DLC1: variants seen among roughly 807,000 people sequenced by gnomAD.
The protein encoded by DLC1 is rho GTPase-activating protein 7.
DLC1 carries 54 observed loss-of-function variants against 140.3 expected under a neutral mutation model. The ratio of observed to expected loss-of-function variants is 0.38; its 90% CI spans 0.31 to 0.48. DLC1 has a LOEUF of 0.48. Ranked by LOEUF, DLC1 falls within the 20% of genes least tolerant of loss-of-function variation. The probability of loss-of-function intolerance (pLI) is 0.96; values close to 1 mark genes in which losing one functional copy is unlikely to be tolerated. For synonymous variants in DLC1, 986 were observed against 728.1 expected, an observed-to-expected ratio of 1.35 and a Z score of -5.70; for missense variants, 2,536 against 1,907.0, an observed-to-expected ratio of 1.33 and a Z score of -6.14.
intron 5 of DLC1, among the ~76,000 whole-genome samples, chr8:13,158,733 TCCCCCCCC>T (rs71207127): frequency 5.1e-5 from 3 of 58,986 alleles, no homozygotes; most frequent in African/African-American, 2.0e-4. Flanking sequence ...ACCACCACCC[TCCCCCCCC>T]CCCCCCGCCC....
chr8:13,269,579 T>C (rs1243119914), intron 5 of DLC1, among the ~76,000 whole-genome samples: 2 of 151,226 alleles, frequency 1.3e-5, no homozygotes, highest in African/African-American at 4.9e-5. Flanking sequence ...GCCACAACCC[T>C]ATAGTCCTGG....
chr8:13,122,700 C>T (rs1236598458), intron 5 of DLC1, among the ~76,000 whole-genome samples: 1 of 151,388 alleles, frequency 6.6e-6, no homozygotes, highest in Non-Finnish European at 1.5e-5. Context: ...ATTTATTAAA[C>T]TCTAATGTTA....
At chr8:13,305,116 A>G (rs1586102160) in intron 5 of DLC1, 153 bp downstream of exon 5, 2 of 1,332,566 alleles carry the variant, frequency 1.5e-6, no homozygotes, top group East Asian at 5.6e-5. Context: ...TTACATATTG[A>G]GCAAAACAAA....
At chr8:13,110,986 A>C (rs917101075) in intron 6 of DLC1, among the ~76,000 whole-genome samples, 163 bp from the exon 7 acceptor site, 3 of 152,202 alleles carry the variant, frequency 2.0e-5, no homozygotes, top group Admixed American at 1.3e-4. Flanking sequence ...AAGGCAATTG[A>C]AGCCAATCGG....
chr8:13,245,410 AAGTGGTTG>A (rs1829724196), intron 5 of DLC1, among the ~76,000 whole-genome samples: 1 of 151,894 alleles, frequency 6.6e-6, no homozygotes, highest in African/African-American at 2.4e-5. Flanking sequence ...TGAGCACAAT[AAGTGGTTG>A]TTTTACACCA....
chr8:13,143,923 G>C (rs1425827975), intron 5 of DLC1, among the ~76,000 whole-genome samples: 1 of 152,012 alleles, frequency 6.6e-6, no homozygotes, highest in Non-Finnish European at 1.5e-5. Context: ...GCAGGCACAT[G>C]TGAATGGAGA....
chr8:13,553,205 T>TATATAC, intron 1 of DLC1, among the ~76,000 whole-genome samples: 1 of 49,766 alleles, frequency 2.0e-5, no homozygotes, highest in African/African-American at 9.4e-5. Context: ...CCAGCTGTCA[T>TATATAC]ATATATATAT....
chr8:13,209,725 C>G (rs1023348099), intron 5 of DLC1, among the ~76,000 whole-genome samples: 2 of 152,012 alleles, frequency 1.3e-5, no homozygotes, highest in African/African-American at 2.4e-5. Context: ...GTGTGTGGCA[C>G]CTCCCTCCTG....
chr8:13,571,091 C>T (rs1003584223), intron 1 of DLC1, among the ~76,000 whole-genome samples: 3 of 152,160 alleles, frequency 2.0e-5, no homozygotes, highest in African/African-American at 4.8e-5. Flanking sequence ...CTATAAATAA[C>T]CACTTACTTT....
At chr8:13,094,515 A>C (rs1045320743) in intron 12 of DLC1, among the ~76,000 whole-genome samples, 1 of 152,006 alleles carries the variant, frequency 6.6e-6, no homozygotes, top group Non-Finnish European at 1.5e-5. Flanking sequence ...CAAATGCAAA[A>C]ATTAGCCAGA....
At chr8:13,462,776 T>C (rs1001091314) in intron 2 of DLC1, among the ~76,000 whole-genome samples, 2 of 152,154 alleles carry the variant, frequency 1.3e-5, no homozygotes, top group Non-Finnish European at 2.9e-5. Flanking sequence ...GTTAAACAGC[T>C]TTTGGAAAAC....
At chr8:13,553,502 G>A (rs57806369) in intron 1 of DLC1, among the ~76,000 whole-genome samples, 26,860 of 150,460 alleles carry the variant, frequency 0.18, 2,620 homozygotes, top group Middle Eastern at 0.26. Context: ...TTTTCTTCCC[G>A]GTTTTTAATT....
intron 1 of DLC1, among the ~76,000 whole-genome samples, chr8:13,503,078 A>T (rs981951867): frequency 2.0e-5 from 3 of 152,208 alleles, no homozygotes; most frequent in Non-Finnish European, 4.4e-5. Context: ...GCCTTAACGT[A>T]AGAGTTTTAT....
chr8:13,203,655 C>A (rs888185638), intron 5 of DLC1, among the ~76,000 whole-genome samples: 1 of 152,164 alleles, frequency 6.6e-6, no homozygotes, highest in Non-Finnish European at 1.5e-5. Flanking sequence ...CCTCCCCCTC[C>A]CTCTGTGGTG....
At chr8:13,362,656 G>C (rs1211276644) in intron 4 of DLC1, among the ~76,000 whole-genome samples, 1 of 151,916 alleles carries the variant, frequency 6.6e-6, no homozygotes, top group Admixed American at 6.6e-5. Context: ...ATAAACAAGG[G>C]GGGTGTGGAA....
intron 2 of DLC1, among the ~76,000 whole-genome samples, chr8:13,462,073 T>C (rs1451125632): frequency 6.6e-6 from 1 of 152,150 alleles, no homozygotes; most frequent in South Asian, 2.1e-4. Flanking sequence ...ATAGGAATAG[T>C]AGGGGCAGAA....
At chr8:13,312,977 A>G (rs763801231) in intron 4 of DLC1, among the ~76,000 whole-genome samples, 39 of 152,182 alleles carry the variant, frequency 2.6e-4, no homozygotes, top group Non-Finnish European at 5.1e-4. Flanking sequence ...GATGTCAACT[A>G]GCAATTTATC....
At chr8:13,345,547 CTTTT>C (rs535092622) in intron 4 of DLC1, among the ~76,000 whole-genome samples, 9 of 67,512 alleles carry the variant, frequency 1.3e-4, no homozygotes, top group East Asian at 5.3e-4. Context: ...TTCACTCACA[CTTTT>C]TTTTTTTTTT....
Position 13,500,058 on chromosome 8 carries a change from A to T in DLC1, c.14T>A (p.Ile5Asn), listed in dbSNP as rs1277474458. Residue 5 changes from isoleucine to asparagine, a missense_variant, in exon 2 of 18, where the codon ATC becomes AAC. By Grantham distance (149) the Ile-to-Asn change is moderately radical (BLOSUM62 -3). Coordinates refer to ENST00000276297, the MANE Select transcript of DLC1 (RefSeq NM_182643.3). Reference protein sequence around the residue: MSVAIRKRSWEEHVT... With the variant: MSVANRKRSWEEHVT... ...ATGTTCTTCCCAGCTTCTCTTTCTG[A>T]TAGCTACAGACATGTCATCGTAGTT... 6.2e-7 allele frequency: 1 copy of T among 1,613,506 alleles called. No homozygotes were observed. The highest frequency in any genetic ancestry group is 1.7e-5 in the Admixed American group (1 of 59,996).
Sources: allele counts gnomAD v4.1 joint callset (sites outside exome capture counted in the v4.1 genomes callset), GRCh38; gene constraint gnomAD v4.1.1; transcripts MANE v1.5; gene names NCBI Gene and HGNC (gene_info 2026-07-23, HGNC 2026-07-21).